The following RABEP1 variants were observed in gnomAD, a reference collection of about 807,000 sequenced individuals.
The protein encoded by RABEP1 is rabaptin, RAB GTPase binding effector protein 1, also known as rab GTPase-binding effector protein 1.
Under a neutral mutation model 123.4 loss-of-function variants are expected in RABEP1, and 51 were observed. The observed-to-expected ratio is 0.41, with a 90% confidence interval of 0.33 to 0.52. RABEP1 has a LOEUF of 0.52. Ranked by LOEUF, RABEP1 falls within the 20% of genes least tolerant of loss-of-function variation. RABEP1 has a pLI of 0.16. For synonymous variants in RABEP1, 347 were observed against 355.2 expected (o/e 0.98, Z 0.26); for missense variants, 888 against 996.3 (o/e 0.89, Z 1.46).
chr17:5,296,960 A>T (rs1229101161), intron 1 of RABEP1, among the ~76,000 whole-genome samples: 1 of 151,994 alleles, frequency 6.6e-6, no homozygotes, highest in East Asian at 1.9e-4. Context: ...ACTGGTCTCG[A>T]ACTCTTGGCT....
rs1460867415 is a variant in RABEP1, at chr17:5,365,163, G to A, written c.1710G>A (p.Gln570=). 4.3e-6 allele frequency: 7 copies of A among 1,611,178 alleles called. No individual in the cohort carries two copies. Among genetic ancestry groups the A allele is most frequent in the Non-Finnish European group, 5.9e-6 (7 of 1,178,962 alleles). Residue 570 remains glutamine, a synonymous_variant, in exon 11 of 18, where the codon CAG becomes CAA. Coordinates refer to ENST00000537505, the MANE Select transcript of RABEP1 (RefSeq NM_004703.6). ...LQLMLRQAND[Q]LEKTMKDKQE... ...TGATGCTAAGGCAAGCTAATGACCAGTTAGAGAAGACAATGAAAGATAAGC... is the reference window on the plus strand; with the variant it reads ...TGATGCTAAGGCAAGCTAATGACCAATTAGAGAAGACAATGAAAGATAAGC...
chr17:5,344,733 C>G (rs1252427222), intron 5 of RABEP1, among the ~76,000 whole-genome samples: 1 of 132,170 alleles, frequency 7.6e-6, no homozygotes, highest in Non-Finnish European at 1.5e-5. Context: ...GATCGTGCCT[C>G]TGCACTCCAG....
Position 5,382,930 on chromosome 17 carries a change from CA to C in RABEP1, c.2488-183del, listed in dbSNP as rs971836974. Among the ~76,000 whole-genome samples the C allele has an allele frequency of 1.2e-4, 18 of 151,312 alleles. No homozygotes were observed. The South Asian group carries it at 2.5e-3, about 21-fold the overall frequency. On this transcript the variant is annotated intron_variant, in intron 17 of 17. Coordinates refer to ENST00000537505, the MANE Select transcript of RABEP1 (RefSeq NM_004703.6). ...GGATGATGAGCAAAACTCTCCCCCC[CA>C]AAAAAAAATCCCAGTCCGTTACACG...
At chr17:5,326,448 GA>G (rs1325048478) in intron 2 of RABEP1, among the ~76,000 whole-genome samples, 2 of 152,184 alleles carry the variant, frequency 1.3e-5, no homozygotes, top group Admixed American at 1.3e-4. Flanking sequence ...CAAAACTGTG[GA>G]AACAAAAAAA....
At position 5,344,771 on chromosome 17, in the gene RABEP1, CAAAAA is replaced by C. The variant is rs1177790100; in HGVS notation, c.649-1999_649-1995del. Reference sequence around the variant, plus strand: ...TGGGTGACAGAGCAAGACACTGTCTCAAAAAAAAAAAAAAAAAAAAAAAAGGAAAA... The same window carrying C: ...TGGGTGACAGAGCAAGACACTGTCTCAAAAAAAAAAAAAAAAAAAGGAAAA... On this transcript the variant is annotated intron_variant, in intron 5 of 17. Transcript: ENST00000537505. Among the ~76,000 whole-genome samples, 20 of 46,936 alleles carry C rather than the reference CAAAAA, an allele frequency of 4.3e-4. No individual in the cohort carries two copies. In the South Asian group the frequency reaches 0.014, roughly 33 times the overall value. 30.8% of individuals were successfully genotyped at this position (46,936 alleles called of 152,430 possible). A position where few individuals can be genotyped will look rare whatever the true frequency, so the allele number is the denominator to read the frequency against.
intron 12 of RABEP1, 138 bp downstream of exon 12, chr17:5,368,606 T>A: frequency 1.7e-6 from 1 of 591,098 alleles, no homozygotes; most frequent in Non-Finnish European, 2.9e-6. Context: ...CTGTAGAACA[T>A]TAATAATGGA....
rs572217137 is a variant in RABEP1 at position 5,303,263 on chromosome 17, A to G, written c.35-5431A>G. 1.1e-4 allele frequency among the ~76,000 whole-genome samples: 16 copies of G among 151,984 alleles called. No homozygotes were observed. The South Asian group carries it at 1.2e-3, about 12-fold the overall frequency. On this transcript the variant is annotated intron_variant, in intron 1 of 17. Coordinates refer to ENST00000537505, the MANE Select transcript of RABEP1 (RefSeq NM_004703.6). ...TTTATTTTATTTTATTTTTTTTGAG[A>G]TAGGATCTCATTCTGTCACCCAGGC... is the stretch of plus-strand genomic sequence containing the variant.
chr17:5,338,746 A>G (rs527974943), intron 5 of RABEP1, among the ~76,000 whole-genome samples: 1 of 152,324 alleles, frequency 6.6e-6, no homozygotes. Flanking sequence ...ATTAAGGAAA[A>G]TAAACTGTTC....
At chr17:5,284,692 C>G (rs2074960498) in intron 1 of RABEP1, among the ~76,000 whole-genome samples, 1 of 152,014 alleles carries the variant, frequency 6.6e-6, no homozygotes, top group Admixed American at 6.6e-5. Context: ...TCCCAAACTC[C>G]TGAACTCAAG....
intron 2 of RABEP1, among the ~76,000 whole-genome samples, chr17:5,326,711 A>G (rs1906004897): frequency 6.6e-6 from 1 of 152,162 alleles, no homozygotes; most frequent in Non-Finnish European, 1.5e-5. Flanking sequence ...TGCCTGTAGT[A>G]GAGGAGTGTG....
At chr17:5,377,520 A>ATTTTTTT (rs960634048) in intron 14 of RABEP1, among the ~76,000 whole-genome samples, 23 of 99,790 alleles carry the variant, frequency 2.3e-4, no homozygotes, top group East Asian at 6.3e-4. Flanking sequence ...TATTTAAAAA[A>ATTTTTTT]TTTTTTTTTT....
chr17:5,294,998 A>G (rs1320076549), intron 1 of RABEP1, among the ~76,000 whole-genome samples: 1 of 151,982 alleles, frequency 6.6e-6, no homozygotes. Flanking sequence ...TTAAAAAAAA[A>G]CGTAAAAATT....
At chr17:5,372,245 C>A (rs563629932) in intron 12 of RABEP1, among the ~76,000 whole-genome samples, 1 of 151,918 alleles carries the variant, frequency 6.6e-6, no homozygotes, top group Non-Finnish European at 1.5e-5. Flanking sequence ...GAGATTGAGA[C>A]CAGCCTGGCC....
rs147929105 is a variant in RABEP1, at chr17:5,378,614, C to T, written c.2271+382C>T. The T allele has an allele frequency of 2.3e-3, 636 of 270,884 alleles. 2 individuals carry two copies. Among genetic ancestry groups the T allele is most frequent in the Admixed American group, 3.0e-3 (54 of 17,776 alleles). 16.8% of individuals were successfully genotyped at this position (270,884 alleles called of 1,614,324 possible). On this transcript the variant is annotated intron_variant, in intron 15 of 17. Coordinates refer to ENST00000537505, the MANE Select transcript of RABEP1 (RefSeq NM_004703.6). ...TAGTCCTCTTAGACATCATTAGTTC[C>T]TTTCATAGTAACCCCATTCAACTTC...
rs760991587 is a variant in RABEP1 at position 5,346,828 on chromosome 17, T to G, written c.687T>G (p.Ser229=). The G allele has an allele frequency of 1.9e-6, 3 of 1,600,626 alleles. No homozygotes were observed. The highest frequency in any genetic ancestry group is 2.6e-6 in the Non-Finnish European group (3 of 1,172,148). The stretch of plus-strand genomic sequence containing the variant: ...ATCATTATCTGGAAGCTGAGAAATC[T>G]TGTAGGACTGATCTAGAGATGTATG... ...ELNHYLEAEK[S]CRTDLEMYVA... Residue 229 remains serine, a synonymous_variant, in exon 6 of 18, where the codon TCT becomes TCG. Transcript: ENST00000537505.
chr17:5,327,024 G>A (rs1906045018), intron 2 of RABEP1, among the ~76,000 whole-genome samples: 1 of 152,178 alleles, frequency 6.6e-6, no homozygotes, highest in Non-Finnish European at 1.5e-5. Context: ...GCTGTAAGCA[G>A]TTACAACACA....
chr17:5,288,566 T>C (rs1283998701), intron 1 of RABEP1, among the ~76,000 whole-genome samples: 1 of 152,006 alleles, frequency 6.6e-6, no homozygotes, highest in Non-Finnish European at 1.5e-5. Context: ...CGGCTAATTT[T>C]ATATTTTTAG....
intron 2 of RABEP1, among the ~76,000 whole-genome samples, chr17:5,325,111 G>A (rs917089286): frequency 6.6e-5 from 10 of 151,986 alleles, no homozygotes; most frequent in African/African-American, 2.2e-4. Flanking sequence ...TCAGGAGTTC[G>A]AGACCAGCCT....
chr17:5,370,471 G>A (rs114194349), intron 12 of RABEP1, among the ~76,000 whole-genome samples: 254 of 152,232 alleles, frequency 1.7e-3, no homozygotes, highest in African/African-American at 5.9e-3. Context: ...ACCAATCAGT[G>A]ATCACATATT....
Sources: gnomAD v4.1 joint callset for allele counts (sites outside exome capture counted in the v4.1 genomes callset) on GRCh38, gnomAD v4.1.1 for gene constraint, MANE v1.5 for transcripts, NCBI Gene and HGNC (gene_info 2026-07-23, HGNC 2026-07-21) for gene names.